MIA2: variants seen among roughly 807,000 people sequenced by gnomAD.
MIA2 encodes melanoma inhibitory activity protein 2.
Under a neutral mutation model 167.8 loss-of-function variants are expected in MIA2, and 127 were observed. That is an observed-to-expected ratio of 0.76 (90% CI 0.66 to 0.88). MIA2 has a LOEUF of 0.88. Among genes scored for constraint, MIA2 ranks in the 40% least tolerant of loss-of-function variants. The probability of loss-of-function intolerance (pLI) is 0.00; values close to 1 mark genes in which losing one functional copy is unlikely to be tolerated. For missense variants in MIA2, 1,690 were observed against 1,624.7 expected, an observed-to-expected ratio of 1.04 and a Z score of -0.69; for synonymous variants, 552 against 541.9, an observed-to-expected ratio of 1.02 and a Z score of -0.26.
chr14:39,241,343 A>G (rs2054029215), intron 3 of MIA2, among the ~76,000 whole-genome samples: 1 of 151,918 alleles, frequency 6.6e-6, no homozygotes, highest in Non-Finnish European at 1.5e-5. Context: ...CAAACTGCCT[A>G]TTTTCTGGCT....
At chr14:39,262,723 T>A (rs1261071989) in intron 6 of MIA2, among the ~76,000 whole-genome samples, 1 of 152,218 alleles carries the variant, frequency 6.6e-6, no homozygotes, top group Non-Finnish European at 1.5e-5. Context: ...CTTGAAGAGG[T>A]CCTTCACATC....
intron 9 of MIA2, among the ~76,000 whole-genome samples, chr14:39,289,467 C>G (rs1019182966): frequency 6.6e-6 from 1 of 152,128 alleles, no homozygotes; most frequent in African/African-American, 2.4e-5. Context: ...TGTGATCTGG[C>G]CTCCTAAAGT....
At chr14:39,368,621 G>A (rs895696770) in intron 23 of MIA2, among the ~76,000 whole-genome samples, 18 of 151,020 alleles carry the variant, frequency 1.2e-4, no homozygotes, top group African/African-American at 4.4e-4. Flanking sequence ...TTAATCTTTG[G>A]AAAATTCCTT....
intron 23 of MIA2, among the ~76,000 whole-genome samples, chr14:39,380,791 T>C (rs1179776222): frequency 2.0e-5 from 3 of 151,810 alleles, no homozygotes; most frequent in Non-Finnish European, 4.4e-5. Context: ...TTTAGATTGC[T>C]AGTTTTAAAT....
intron 10 of MIA2, chr14:39,292,719 T>C (rs1167845737): frequency 6.9e-6 from 2 of 291,462 alleles, no homozygotes; most frequent in South Asian, 5.8e-5. Flanking sequence ...ATGTTTATTA[T>C]AGTATTTAAA....
At chr14:39,375,843 T>A (rs1248893940) in intron 23 of MIA2, among the ~76,000 whole-genome samples, 1 of 152,256 alleles carries the variant, frequency 6.6e-6, no homozygotes, top group East Asian at 1.9e-4. Flanking sequence ...AAATTATGAA[T>A]CTTGTTTAGA....
At chr14:39,304,683 A>C (rs2063050546) in intron 17 of MIA2, among the ~76,000 whole-genome samples, 1 of 152,172 alleles carries the variant, frequency 6.6e-6, no homozygotes, top group Non-Finnish European at 1.5e-5. Flanking sequence ...AGATGTTAAA[A>C]AGTAGCAAAT....
intron 10 of MIA2, among the ~76,000 whole-genome samples, chr14:39,291,823 G>T (rs57135924): frequency 0.018 from 2,805 of 152,248 alleles, 96 homozygotes; most frequent in African/African-American, 0.064. Flanking sequence ...GACAGATTAG[G>T]GTAAGTGATG....
chr14:39,299,829 G>T (rs2062107711), intron 13 of MIA2, 35 bp from the exon 14 acceptor site: 1 of 1,586,412 alleles, frequency 6.3e-7, no homozygotes, highest in Non-Finnish European at 8.5e-7. Flanking sequence ...ATTCACTTGT[G>T]TGATGAGTTG....
At chr14:39,301,557 G>C (rs1484953904) in intron 14 of MIA2, among the ~76,000 whole-genome samples, 3 of 152,148 alleles carry the variant, frequency 2.0e-5, no homozygotes, top group African/African-American at 4.8e-5. Flanking sequence ...ATTATTTTTA[G>C]GTGGGTCCCT....
intron 25 of MIA2, among the ~76,000 whole-genome samples, chr14:39,335,576 A>G (rs2070186133): frequency 6.6e-6 from 1 of 152,062 alleles, no homozygotes; most frequent in South Asian, 2.1e-4. Context: ...CATATGCCCT[A>G]TTCCAGACAT....
At chr14:39,315,362 T>A (rs2065221889) in intron 20 of MIA2, 1 of 209,496 alleles carries the variant, frequency 4.8e-6, no homozygotes, top group Non-Finnish European at 9.3e-6. Context: ...TTTGGGAAGG[T>A]AGATTGCATC....
chr14:39,317,110 G>T (rs900736447), intron 21 of MIA2, among the ~76,000 whole-genome samples: 3 of 152,114 alleles, frequency 2.0e-5, no homozygotes, highest in Non-Finnish European at 4.4e-5. Flanking sequence ...ATGACACCTA[G>T]GATATATCTG....
intron 23 of MIA2, among the ~76,000 whole-genome samples, chr14:39,366,537 G>A (rs2074826432): frequency 6.6e-6 from 1 of 152,200 alleles, no homozygotes; most frequent in East Asian, 1.9e-4. Context: ...TGATGTTAGT[G>A]GCAGGCTAAG....
intron 13 of MIA2, among the ~76,000 whole-genome samples, 161 bp downstream of exon 13, chr14:39,295,190 A>G (rs2061257991): frequency 6.6e-6 from 1 of 152,206 alleles, no homozygotes; most frequent in South Asian, 2.1e-4. Context: ...TCTCTTTTGT[A>G]TAGTATACAA....
At chr14:39,286,106 G>C (rs977971872) in intron 9 of MIA2, among the ~76,000 whole-genome samples, 1 of 152,168 alleles carries the variant, frequency 6.6e-6, no homozygotes, top group Non-Finnish European at 1.5e-5. Context: ...CTGGGAGGTG[G>C]AGGTTGTAGC....
At chr14:39,366,745 C>T (rs544908982) in intron 23 of MIA2, among the ~76,000 whole-genome samples, 1 of 152,256 alleles carries the variant, frequency 6.6e-6, no homozygotes, top group South Asian at 2.1e-4. Flanking sequence ...TGGATGGTGG[C>T]AGCTGCATTG....
Position 39,267,245 on chromosome 14 carries a change from A to G in MIA2, c.1888-9689A>G, listed in dbSNP as rs925118472. The G allele has an allele frequency of 9.3e-6, 13 of 1,392,852 alleles. 1 individual carries two copies. In the South Asian group the frequency reaches 2.1e-4, roughly 22 times the overall value. The allele number at this position is 1,392,852 out of a possible 1,614,324, so 86.3% of individuals were successfully genotyped here. A position where few individuals can be genotyped will look rare whatever the true frequency, so the allele number is the denominator to read the frequency against. The stretch of plus-strand genomic sequence containing the variant: ...GGACCTGCGCTGCCTCGGGATGTAA[A>G]GTATAACAAGAGGGTCGGGATGGGC... On this transcript the variant is annotated intron_variant, in intron 6 of 28. Coordinates refer to ENST00000640607, the MANE Select transcript of MIA2 (RefSeq NM_001329214.4).
intron 24 of MIA2, among the ~76,000 whole-genome samples, chr14:39,321,596 G>A (rs1009198424): frequency 2.6e-5 from 4 of 152,030 alleles, no homozygotes; most frequent in African/African-American, 7.2e-5. Context: ...GATTACAGGC[G>A]TGAGCCACCA....
Sources: gnomAD v4.1 joint callset for allele counts (sites outside exome capture counted in the v4.1 genomes callset) on GRCh38, gnomAD v4.1.1 for gene constraint, MANE v1.5 for transcripts, NCBI Gene and HGNC (gene_info 2026-07-23, HGNC 2026-07-21) for gene names.